Variants in FHOD3 observed in about 807,000 individuals in gnomAD.
The protein encoded by FHOD3 is formin homology 2 domain containing 3.
FHOD3 carries 90 observed loss-of-function variants against 173.0 expected under a neutral mutation model. The ratio of observed to expected loss-of-function variants is 0.52; its 90% CI spans 0.44 to 0.62. The LOEUF (loss-of-function observed/expected upper bound fraction) is 0.62, where lower values mean the gene tolerates loss of function less well. FHOD3 is among the 20% of genes least tolerant of loss of function. The pLI, the probability that FHOD3 is intolerant of heterozygous loss-of-function variation, is 0.00. For missense variants in FHOD3, 1,945 were observed against 2,034.7 expected (o/e 0.96, Z 0.85); for synonymous variants, 828 against 823.0 (o/e 1.01, Z -0.10).
chr18:36,680,387 C>T (rs545810385), intron 14 of FHOD3, among the ~76,000 whole-genome samples: 2 of 152,332 alleles, frequency 1.3e-5, no homozygotes, highest in African/African-American at 4.8e-5. Flanking sequence ...TTTACCCAAG[C>T]TATATCCTTG....
chr18:36,401,981 G>T (rs1001495140), intron 3 of FHOD3, among the ~76,000 whole-genome samples: 1 of 152,310 alleles, frequency 6.6e-6, no homozygotes, highest in African/African-American at 2.4e-5. Context: ...CATTTATGTG[G>T]ACGTATGTCT....
intron 3 of FHOD3, among the ~76,000 whole-genome samples, chr18:36,378,182 A>G (rs2047541590): frequency 6.6e-6 from 1 of 152,200 alleles, no homozygotes; most frequent in Non-Finnish European, 1.5e-5. Context: ...TGAGTGGCCA[A>G]CTGCAGCCTC....
At chr18:36,725,306 C>T (rs1375559616) in intron 19 of FHOD3, among the ~76,000 whole-genome samples, 1 of 152,146 alleles carries the variant, frequency 6.6e-6, no homozygotes, top group Non-Finnish European at 1.5e-5. Context: ...GCATCCTGGC[C>T]CTCCAGAGGT....
chr18:36,548,683 T>C (rs1568412461), intron 5 of FHOD3, among the ~76,000 whole-genome samples: 2 of 152,220 alleles, frequency 1.3e-5, no homozygotes, highest in African/African-American at 4.8e-5. Flanking sequence ...AATTGGATCA[T>C]ACAGTACATG....
chr18:36,533,238 C>T (rs2056859638), intron 5 of FHOD3, among the ~76,000 whole-genome samples: 1 of 152,232 alleles, frequency 6.6e-6, no homozygotes. Flanking sequence ...TGAAAGTATC[C>T]TCCTGATAGT....
intron 14 of FHOD3, among the ~76,000 whole-genome samples, chr18:36,667,754 T>C (rs1220545332): frequency 1.3e-5 from 2 of 152,150 alleles, no homozygotes; most frequent in African/African-American, 4.8e-5. Flanking sequence ...GTAGACTTTA[T>C]AAACACTGTG....
chr18:36,696,450 T>C (rs2039286808), intron 17 of FHOD3, among the ~76,000 whole-genome samples: 1 of 152,248 alleles, frequency 6.6e-6, no homozygotes, highest in Admixed American at 6.5e-5. Flanking sequence ...TTTCAGATTC[T>C]GAAGAACTTT....
intron 14 of FHOD3, among the ~76,000 whole-genome samples, chr18:36,670,668 AT>A (rs1292274218): frequency 6.6e-6 from 1 of 152,114 alleles, no homozygotes; most frequent in East Asian, 1.9e-4. Context: ...TTGGTTTCAA[AT>A]AATTTACTTT....
intron 5 of FHOD3, among the ~76,000 whole-genome samples, chr18:36,554,512 A>T (rs185905221): frequency 7.2e-5 from 11 of 151,834 alleles, no homozygotes; most frequent in Non-Finnish European, 1.5e-4. Flanking sequence ...GAGGGATAAC[A>T]TTAGGAGATA....
chr18:36,622,209 A>C (rs1283770065), intron 9 of FHOD3, among the ~76,000 whole-genome samples: 1 of 152,252 alleles, frequency 6.6e-6, no homozygotes, highest in Non-Finnish European at 1.5e-5. Context: ...GCCTATCAGC[A>C]AGCATAAAGT....
chr18:36,445,643 G>A (rs1458483565), intron 3 of FHOD3, among the ~76,000 whole-genome samples: 3 of 152,136 alleles, frequency 2.0e-5, no homozygotes, highest in African/African-American at 4.8e-5. Context: ...CCATGAGGCA[G>A]TGTTTAAAAT....
chr18:36,727,137 C>T lies in FHOD3; in HGVS notation c.3418-3509C>T, dbSNP rs8095017. On this transcript the variant is annotated intron_variant, in intron 19 of 28. Transcript: ENST00000590592. Reference sequence around the variant, plus strand: ...TGGAGAAGTATGGATGGGGATGAGACGCTTTGGGAAGGAAGAGTGGACCAC... The same window carrying T: ...TGGAGAAGTATGGATGGGGATGAGATGCTTTGGGAAGGAAGAGTGGACCAC... Among the ~76,000 whole-genome samples the T allele has an allele frequency of 7.6e-3, 1,160 of 151,952 alleles. 14 individuals carry two copies. Among genetic ancestry groups the T allele is most frequent in the African/African-American group, 0.026 (1,087 of 41,436 alleles).
intron 3 of FHOD3, among the ~76,000 whole-genome samples, chr18:36,461,311 G>A (rs1299772444): frequency 2.6e-5 from 4 of 152,140 alleles, no homozygotes; most frequent in South Asian, 2.1e-4. Flanking sequence ...ACCAATAATG[G>A]TAGGCACACA....
At chr18:36,384,538 C>G (rs994740306) in intron 3 of FHOD3, among the ~76,000 whole-genome samples, 2 of 149,268 alleles carry the variant, frequency 1.3e-5, no homozygotes, top group Admixed American at 1.3e-4. Context: ...CCATTGCACT[C>G]CAGCCTAGGC....
intron 8 of FHOD3, among the ~76,000 whole-genome samples, chr18:36,604,735 G>C (rs949926101): frequency 5.3e-5 from 8 of 152,130 alleles, no homozygotes; most frequent in South Asian, 4.1e-4. Flanking sequence ...CAGTGAAACA[G>C]GTTCCAGAGG....
At chr18:36,623,918 G>A (rs2033899650) in intron 9 of FHOD3, among the ~76,000 whole-genome samples, 1 of 152,200 alleles carries the variant, frequency 6.6e-6, no homozygotes, top group Non-Finnish European at 1.5e-5. Flanking sequence ...TCACATGAGG[G>A]CAGCTGATTT....
At chr18:36,774,943 T>C (rs900195300) in intron 28 of FHOD3, among the ~76,000 whole-genome samples, 2 of 152,212 alleles carry the variant, frequency 1.3e-5, no homozygotes, top group African/African-American at 4.8e-5. Flanking sequence ...TAGAACATCC[T>C]TCCATTTGGG....
At chr18:36,517,476 A>G (rs2056053965) in intron 5 of FHOD3, among the ~76,000 whole-genome samples, 1 of 152,204 alleles carries the variant, frequency 6.6e-6, no homozygotes, top group Non-Finnish European at 1.5e-5. Flanking sequence ...GAAATTGCAC[A>G]TATGTACTGT....
chr18:36,636,421 AAGG>A (rs1293782532), intron 10 of FHOD3, among the ~76,000 whole-genome samples: 2 of 152,154 alleles, frequency 1.3e-5, no homozygotes, highest in Non-Finnish European at 2.9e-5. Flanking sequence ...TTCATTGATG[AAGG>A]TTGAACAAAT....
Sources: gnomAD v4.1 joint callset for allele counts (sites outside exome capture counted in the v4.1 genomes callset) on GRCh38, gnomAD v4.1.1 for gene constraint, MANE v1.5 for transcripts, NCBI Gene and HGNC (gene_info 2026-07-23, HGNC 2026-07-21) for gene names.